GLG1: variants seen among roughly 807,000 people sequenced by gnomAD.
GLG1 encodes the protein golgi glycoprotein 1.
In GLG1, 38 loss-of-function variants were observed where a neutral mutation model predicts 160.5. The ratio of observed to expected loss-of-function variants is 0.24; its 90% CI spans 0.18 to 0.31. GLG1 has a LOEUF of 0.31. Ranked by LOEUF, GLG1 falls within the 10% of genes least tolerant of loss-of-function variation. GLG1 has a pLI of 1.00. For synonymous variants in GLG1, 644 were observed against 543.4 expected (o/e 1.19, Z -2.57); for missense variants, 1,373 against 1,505.2 (o/e 0.91, Z 1.45).
In GLG1 at chr16:74,591,120, C is replaced by G. The variant is rs972915714; in HGVS notation, c.438+15537G>C. On this transcript the variant is annotated intron_variant, in intron 1 of 25. Transcript: ENST00000422840. ...GGCCAAGGTGGGCGGATCACGAGGT[C>G]AGGAGTTTGAGACCAGCCTAGCCAA... Among the ~76,000 whole-genome samples the G allele has an allele frequency of 1.1e-4, 16 of 151,978 alleles. 1 individual carries two copies. The highest frequency in any genetic ancestry group is 1.3e-4 in the Admixed American group (2 of 15,226).
At chr16:74,464,959 C>T (rs1373608115) in intron 19 of GLG1, among the ~76,000 whole-genome samples, 1 of 152,158 alleles carries the variant, frequency 6.6e-6, no homozygotes, top group Non-Finnish European at 1.5e-5. Flanking sequence ...TTGCCTCAGC[C>T]TCCTGAATAG....
chr16:74,538,673 T>C (rs1336574352), intron 1 of GLG1, among the ~76,000 whole-genome samples: 2 of 152,020 alleles, frequency 1.3e-5, no homozygotes, highest in African/African-American at 4.8e-5. Flanking sequence ...GTCTTTAGCA[T>C]TCAACTACCT....
At chr16:74,602,503 G>A (rs1024834061) in intron 1 of GLG1, among the ~76,000 whole-genome samples, 1 of 152,226 alleles carries the variant, frequency 6.6e-6, no homozygotes, top group Non-Finnish European at 1.5e-5. Flanking sequence ...AAAGGGCGGG[G>A]CTGGGCGCGG....
chr16:74,498,448 G>GTATATATATATATATATATATATA (rs61033032), intron 4 of GLG1, among the ~76,000 whole-genome samples: 485 of 23,930 alleles, frequency 0.02, 68 homozygotes, highest in Middle Eastern at 0.042. Context: ...AAAAAAAAAA[G>GTATATATATATATATATATATATA]TATATATATA....
chr16:74,499,799 A>C (rs1265554572), intron 4 of GLG1, among the ~76,000 whole-genome samples: 1 of 152,132 alleles, frequency 6.6e-6, no homozygotes, highest in African/African-American at 2.4e-5. Context: ...GTCAGGAGAT[A>C]GAGACCATCC....
chr16:74,536,218 C>G (rs1163495676), intron 1 of GLG1, among the ~76,000 whole-genome samples: 2 of 152,128 alleles, frequency 1.3e-5, no homozygotes, highest in Non-Finnish European at 2.9e-5. Context: ...AGATATAGTA[C>G]ATCTATTTCC....
At chr16:74,566,100 G>A (rs1477738575) in intron 1 of GLG1, among the ~76,000 whole-genome samples, 1 of 152,078 alleles carries the variant, frequency 6.6e-6, no homozygotes, top group East Asian at 1.9e-4. Flanking sequence ...CTCAACAATC[G>A]CATCAAAGGC....
At chr16:74,602,778 G>A (rs1958471150) in intron 1 of GLG1, among the ~76,000 whole-genome samples, 1 of 148,792 alleles carries the variant, frequency 6.7e-6, no homozygotes, top group Admixed American at 6.7e-5. Flanking sequence ...GTGAGACTCT[G>A]TCTCTCAAAA....
intron 10 of GLG1, among the ~76,000 whole-genome samples, chr16:74,481,982 G>A (rs2015617304): frequency 6.6e-6 from 1 of 152,126 alleles, no homozygotes; most frequent in South Asian, 2.1e-4. Context: ...TAGAGATGGG[G>A]TTTCACCGTG....
chr16:74,482,125 G>C (rs2015622465), intron 10 of GLG1, among the ~76,000 whole-genome samples: 1 of 151,996 alleles, frequency 6.6e-6, no homozygotes, highest in African/African-American at 2.4e-5. Flanking sequence ...AGGTAGCTAG[G>C]ACTACAGGTG....
intron 7 of GLG1, among the ~76,000 whole-genome samples, chr16:74,492,520 TA>T (rs11315636): frequency 0.86 from 125,575 of 146,450 alleles, 53,999 homozygotes; most frequent in East Asian, 0.95. Context: ...TCATCTCTAT[TA>T]AAAAAAAAAA....
At chr16:74,579,626 G>A (rs1233083948) in intron 1 of GLG1, among the ~76,000 whole-genome samples, 11 of 151,970 alleles carry the variant, frequency 7.2e-5, no homozygotes, top group Admixed American at 7.2e-4. Flanking sequence ...GGAGGCTGAG[G>A]CAGGAGAATG....
At position 74,503,335 on chromosome 16, in the gene GLG1, A is replaced by C. The variant is rs1188126465; in HGVS notation, c.774+196T>G. ...GTATTAATTCCTCTGCTTCCCATAC[A>C]GTACTGAAAAATTTTGCTACAAACA... On this transcript the variant is annotated intron_variant, in intron 4 of 25. Coordinates refer to ENST00000422840, the MANE Select transcript of GLG1 (RefSeq NM_001145667.2). Among the ~76,000 whole-genome samples, 5 of 152,178 alleles carry C rather than the reference A, an allele frequency of 3.3e-5. No homozygotes were observed. In the East Asian group the frequency reaches 9.6e-4, roughly 29 times the overall value.
At chr16:74,476,670 T>C (rs1015152795) in intron 12 of GLG1, among the ~76,000 whole-genome samples, 1 of 152,192 alleles carries the variant, frequency 6.6e-6, no homozygotes, top group Non-Finnish European at 1.5e-5. Flanking sequence ...TCTTTCCTTC[T>C]TTCCCTTAAA....
At chr16:74,534,764 T>C (rs1201794084) in intron 1 of GLG1, among the ~76,000 whole-genome samples, 2 of 152,142 alleles carry the variant, frequency 1.3e-5, no homozygotes, top group African/African-American at 2.4e-5. Context: ...TCCGCTGACG[T>C]TGAGCAAATC....
At position 74,474,742 on chromosome 16, in the gene GLG1, T is replaced by C. The variant is rs2015337282; in HGVS notation, c.1966-110A>G. 4 of 734,400 alleles carry C rather than the reference T, an allele frequency of 5.4e-6. No homozygotes were observed. In the East Asian group the frequency reaches 7.3e-5, roughly 13 times the overall value. 45.5% of individuals were successfully genotyped at this position (734,400 alleles called of 1,614,324 possible). A position where few individuals can be genotyped will look rare whatever the true frequency, so the allele number is the denominator to read the frequency against. On this transcript the variant is annotated intron_variant, in intron 12 of 25. Coordinates refer to ENST00000422840, the MANE Select transcript of GLG1 (RefSeq NM_001145667.2). ...CCTTTTCAGTGGTCCTCCTTTCTCT[T>C]CTTTTTAAAATTACCTCACTGAACA... is the stretch of plus-strand genomic sequence containing the variant.
intron 1 of GLG1, among the ~76,000 whole-genome samples, chr16:74,586,496 A>G (rs1387225328): frequency 6.6e-6 from 1 of 151,724 alleles, no homozygotes; most frequent in African/African-American, 2.4e-5. Context: ...TTTTTTTGAG[A>G]CAGGGTCTCG....
chr16:74,599,959 A>G (rs987321577), intron 1 of GLG1, among the ~76,000 whole-genome samples: 2 of 149,268 alleles, frequency 1.3e-5, no homozygotes, highest in African/African-American at 5.0e-5. Flanking sequence ...GCTTGAATAC[A>G]GGAGACAAAG....
intron 1 of GLG1, among the ~76,000 whole-genome samples, chr16:74,584,062 T>C (rs1440742397): frequency 1.3e-5 from 2 of 152,190 alleles, no homozygotes; most frequent in Non-Finnish European, 2.9e-5. Flanking sequence ...TAACAGCAGC[T>C]TTCTCAGCGC....
Sources: gnomAD v4.1 joint callset for allele counts (sites outside exome capture counted in the v4.1 genomes callset) on GRCh38, gnomAD v4.1.1 for gene constraint, MANE v1.5 for transcripts, NCBI Gene and HGNC (gene_info 2026-07-23, HGNC 2026-07-21) for gene names.